Variants in FHIT observed in about 807,000 individuals in gnomAD.
FHIT encodes fragile histidine triad diadenosine triphosphatase.
FHIT carries 19 observed loss-of-function variants against 17.9 expected under a neutral mutation model. That is an observed-to-expected ratio of 1.06 (90% CI 0.74 to 1.56). The LOEUF (loss-of-function observed/expected upper bound fraction) is 1.56, where lower values mean the gene tolerates loss of function less well. Among genes scored for constraint, FHIT ranks in the 40% most tolerant of loss-of-function variants. FHIT has a pLI of 0.00. For missense variants in FHIT, 248 were observed against 189.2 expected, an observed-to-expected ratio of 1.31 and a Z score of -1.82; for synonymous variants, 81 against 69.7, an observed-to-expected ratio of 1.16 and a Z score of -0.81.
intron 4 of FHIT, among the ~76,000 whole-genome samples, chr3:60,685,259 AT>A: frequency 6.6e-6 from 1 of 152,294 alleles, no homozygotes; most frequent in East Asian, 1.9e-4. Flanking sequence ...AATTGAATGA[AT>A]TAAATTTGTA....
chr3:60,572,845 C>T lies in FHIT; in HGVS notation c.-17-35866G>A, dbSNP rs547836200. Among the ~76,000 whole-genome samples, 3 of 152,244 alleles carry T rather than the reference C, an allele frequency of 2.0e-5. No homozygotes were observed. The East Asian group carries it at 5.8e-4, about 29-fold the overall frequency. On this transcript the variant is annotated intron_variant, in intron 4 of 9. Transcript: ENST00000492590. ...AGAGGTAATGGGAGCAGACCTGGGACCAGTTGGTCAGCAACTCGCAGAGTT... is the reference window on the plus strand; with the variant it reads ...AGAGGTAATGGGAGCAGACCTGGGATCAGTTGGTCAGCAACTCGCAGAGTT...
In FHIT at chr3:60,424,866, T is replaced by C. The variant is rs140193345; in HGVS notation, c.103+111994A>G. The stretch of plus-strand genomic sequence containing the variant: ...TTGTTTTCTTTATCTGTAGTGCATA[T>C]AGATGATCAAACAAAAATAACTGAT... On this transcript the variant is annotated intron_variant, in intron 5 of 9. Transcript: ENST00000492590. Among the ~76,000 whole-genome samples, 4 of 152,276 alleles carry C rather than the reference T, an allele frequency of 2.6e-5. No individual in the cohort carries two copies. The South Asian group carries it at 6.2e-4, about 24-fold the overall frequency.
At chr3:60,900,102 A>G (rs970407160) in intron 3 of FHIT, among the ~76,000 whole-genome samples, 36 of 152,192 alleles carry the variant, frequency 2.4e-4, no homozygotes, top group Non-Finnish European at 4.7e-4. Flanking sequence ...CTACTGGTAC[A>G]AATACTTTGT....
intron 5 of FHIT, among the ~76,000 whole-genome samples, chr3:60,174,063 G>A (rs1383798977): frequency 6.7e-6 from 1 of 150,370 alleles, no homozygotes; most frequent in Non-Finnish European, 1.5e-5. Context: ...GCAGGCATCT[G>A]CCACCACGCC....
intron 4 of FHIT, among the ~76,000 whole-genome samples, chr3:60,551,921 T>C (rs1465778712): frequency 1.3e-5 from 2 of 152,040 alleles, no homozygotes; most frequent in Admixed American, 6.5e-5. Flanking sequence ...TGTACAATTA[T>C]CATAACTACC....
chr3:60,100,967 T>C lies in FHIT; in HGVS notation c.104-86815A>G, dbSNP rs1028421952. ...GTCCTGTTTTCACAGGCCAGGAACA[T>C]GTAACAGCTCTAATTCTTGTTGACT... On this transcript the variant is annotated intron_variant, in intron 5 of 9. Coordinates refer to ENST00000492590, the MANE Select transcript of FHIT (RefSeq NM_002012.4). 2.6e-5 allele frequency among the ~76,000 whole-genome samples: 4 copies of C among 152,188 alleles called. No homozygotes were observed. In the East Asian group the frequency reaches 5.8e-4, roughly 22 times the overall value.
intron 4 of FHIT, among the ~76,000 whole-genome samples, chr3:60,808,104 A>G (rs187136960): frequency 6.4e-4 from 98 of 152,304 alleles, no homozygotes; most frequent in Non-Finnish European, 1.1e-3. Flanking sequence ...TATGACTGCA[A>G]TTGCTGAGGG....
chr3:60,619,799 G>C (rs2107750167), intron 4 of FHIT, among the ~76,000 whole-genome samples: 1 of 152,144 alleles, frequency 6.6e-6, no homozygotes, highest in South Asian at 2.1e-4. Flanking sequence ...TGCAATCCAT[G>C]AAAGAAATCA....
chr3:60,845,768 A>G (rs1265470336), intron 3 of FHIT, among the ~76,000 whole-genome samples: 1 of 152,170 alleles, frequency 6.6e-6, no homozygotes, highest in Non-Finnish European at 1.5e-5. Context: ...AGCCTGCTGT[A>G]AATGAAATTT....
chr3:60,861,154 T>TG (rs1703800592), intron 3 of FHIT, among the ~76,000 whole-genome samples: 1 of 9,072 alleles, frequency 1.1e-4, no homozygotes, highest in Admixed American at 1.7e-3. Flanking sequence ...ATGATCTATA[T>TG]ACATATATAT....
chr3:60,092,550 C>G (rs556307386), intron 5 of FHIT, among the ~76,000 whole-genome samples: 1 of 152,240 alleles, frequency 6.6e-6, no homozygotes, highest in African/African-American at 2.4e-5. Flanking sequence ...AGATTGATTC[C>G]ATTCAGAGGT....
At chr3:60,997,505 G>A (rs570696043) in intron 3 of FHIT, among the ~76,000 whole-genome samples, 7 of 152,278 alleles carry the variant, frequency 4.6e-5, no homozygotes, top group Admixed American at 3.3e-4. Context: ...TGGGAGTGTT[G>A]AGGGGGGTGT....
At chr3:59,752,969 G>A (rs1238425862) in intron 8 of FHIT, among the ~76,000 whole-genome samples, 1 of 152,112 alleles carries the variant, frequency 6.6e-6, no homozygotes, top group East Asian at 1.9e-4. Context: ...GGAATGGGGA[G>A]CATTTGCCAT....
rs115682659 is a variant in FHIT, at chr3:60,769,835, T to C, written c.-18+52084A>G. ...GTCTGTTAAGCTAGGTTACAGTTCA[T>C]CCACAAAGACTCAAATATAGAAGTA... On this transcript the variant is annotated intron_variant, in intron 4 of 9. Transcript: ENST00000492590. 8.0e-3 allele frequency among the ~76,000 whole-genome samples: 1,211 copies of C among 152,318 alleles called. 21 individuals carry two copies. The highest frequency in any genetic ancestry group is 0.027 in the African/African-American group (1,142 of 41,560).
intron 5 of FHIT, among the ~76,000 whole-genome samples, chr3:60,180,726 G>C (rs957150598): frequency 3.9e-5 from 6 of 152,022 alleles, no homozygotes; most frequent in African/African-American, 1.4e-4. Flanking sequence ...TCACAGATAA[G>C]CATTTATCTT....
chr3:61,236,023 C>T (rs145415492), intron 1 of FHIT, among the ~76,000 whole-genome samples: 1 of 151,940 alleles, frequency 6.6e-6, no homozygotes, highest in East Asian at 1.9e-4. Flanking sequence ...ATTTAATCCT[C>T]ACAACTAACC....
intron 2 of FHIT, among the ~76,000 whole-genome samples, chr3:61,082,233 C>T (rs868774242): frequency 6.6e-6 from 1 of 152,108 alleles, no homozygotes; most frequent in Non-Finnish European, 1.5e-5. Context: ...ATTTCATATC[C>T]CTTCCCAATT....
intron 4 of FHIT, among the ~76,000 whole-genome samples, chr3:60,734,239 T>G (rs544973102): frequency 6.6e-6 from 1 of 152,320 alleles, no homozygotes; most frequent in South Asian, 2.1e-4. Context: ...TTTAACATGG[T>G]ATCCTAGATG....
At chr3:60,540,372 G>A (rs2036146847) in intron 4 of FHIT, among the ~76,000 whole-genome samples, 1 of 152,206 alleles carries the variant, frequency 6.6e-6, no homozygotes, top group Non-Finnish European at 1.5e-5. Context: ...AAGGGACCAT[G>A]GGGTCCCTGA....
Sources: allele counts gnomAD v4.1 joint callset (sites outside exome capture counted in the v4.1 genomes callset), GRCh38; gene constraint gnomAD v4.1.1; transcripts MANE v1.5; gene names NCBI Gene and HGNC (gene_info 2026-07-23, HGNC 2026-07-21).